Variants in VPS53 observed in about 807,000 individuals in gnomAD.
VPS53 encodes the protein vacuolar protein sorting-associated protein 53 homolog.
In VPS53, 70 loss-of-function variants were observed where a neutral mutation model predicts 107.0. The ratio of observed to expected loss-of-function variants is 0.65; its 90% CI spans 0.54 to 0.80. The LOEUF is 0.80. Among genes scored for constraint, VPS53 ranks in the 30% least tolerant of loss-of-function variants. The pLI is 0.00. For synonymous variants in VPS53, 409 were observed against 393.3 expected (o/e 1.04, Z -0.47); for missense variants, 917 against 1,049.4 (o/e 0.87, Z 1.74).
At chr17:703,525 A>G (rs1973285693) in intron 2 of VPS53, among the ~76,000 whole-genome samples, 1 of 152,170 alleles carries the variant, frequency 6.6e-6, no homozygotes, top group African/African-American at 2.4e-5. Flanking sequence ...CCCTGTGGGA[A>G]TCCACATTGG....
chr17:605,821 GA>G (rs1322155818), intron 11 of VPS53, among the ~76,000 whole-genome samples: 1 of 152,018 alleles, frequency 6.6e-6, no homozygotes, highest in East Asian at 1.9e-4. Context: ...CCTGGGGTAA[GA>G]GGGGTGGCGG....
At position 599,560 on chromosome 17, in the gene VPS53, C is replaced by G. The variant is rs1968222064; in HGVS notation, c.1218+2235G>C. On this transcript the variant is annotated intron_variant, in intron 12 of 21. Transcript: ENST00000437048. ...AACAGATGCTTGAAGGCAGCATGCT[C>G]GTTAAGAGTCATCACCACTCCCTAA... Among the ~76,000 whole-genome samples, 4 of 150,086 alleles carry G rather than the reference C, an allele frequency of 2.7e-5. No homozygotes were observed. The South Asian group carries it at 8.6e-4, about 32-fold the overall frequency.
chr17:658,497 G>A (rs1235985674), intron 5 of VPS53, among the ~76,000 whole-genome samples: 28 of 138,338 alleles, frequency 2.0e-4, no homozygotes, highest in Middle Eastern at 0.01. Context: ...ACATCCCACT[G>A]AAGTGAGAAA....
intron 4 of VPS53, among the ~76,000 whole-genome samples, chr17:696,786 T>C (rs1279171754): frequency 8.1e-6 from 1 of 123,952 alleles, no homozygotes; most frequent in Non-Finnish European, 1.6e-5. Flanking sequence ...ATAAGACTTA[T>C]AAAACTTTTT....
chr17:561,983 C>G (rs1214895082), intron 14 of VPS53, among the ~76,000 whole-genome samples: 1 of 152,130 alleles, frequency 6.6e-6, no homozygotes, highest in Non-Finnish European at 1.5e-5. Context: ...TATGCAGTAG[C>G]TGACCCCCAA....
intron 19 of VPS53, among the ~76,000 whole-genome samples, chr17:526,528 G>A (rs934116962): frequency 1.2e-4 from 18 of 152,292 alleles, no homozygotes; most frequent in Middle Eastern, 3.4e-3. Flanking sequence ...CAGATTTGGC[G>A]GCTGTCTGTG....
chr17:661,520 C>CAAAA (rs10666256), intron 5 of VPS53, among the ~76,000 whole-genome samples: 48 of 109,148 alleles, frequency 4.4e-4, no homozygotes, highest in Admixed American at 6.0e-4. Context: ...GACTCCATCT[C>CAAAA]AAAAAAAAAA....
chr17:602,084 T>C (rs1349411655), intron 11 of VPS53, among the ~76,000 whole-genome samples, 188 bp from the exon 12 acceptor site: 1 of 152,032 alleles, frequency 6.6e-6, no homozygotes, highest in East Asian at 1.9e-4. Context: ...TCCTGCAACC[T>C]CCCCGACCAC....
intron 6 of VPS53, 45 bp downstream of exon 6, chr17:655,793 G>C: frequency 6.5e-7 from 1 of 1,547,346 alleles, no homozygotes; most frequent in South Asian, 1.1e-5. Context: ...TTCTCTATGC[G>C]ATACATTTCC....
At chr17:713,629 G>A (rs1406347438) in intron 1 of VPS53, among the ~76,000 whole-genome samples, 3 of 152,000 alleles carry the variant, frequency 2.0e-5, no homozygotes, top group Non-Finnish European at 2.9e-5. Context: ...TCCAACCTGG[G>A]CGAAAGAGCG....
In VPS53 at chr17:519,002, C is replaced by G; in HGVS notation, c.*126G>C. The G allele has an allele frequency of 9.4e-7, 1 of 1,058,668 alleles. No homozygotes were observed. The highest frequency in any genetic ancestry group is 1.3e-6 in the Non-Finnish European group (1 of 757,906). The allele number at this position is 1,058,668 out of a possible 1,614,324, so 65.6% of individuals were successfully genotyped here. A position where few individuals can be genotyped will look rare whatever the true frequency, so the allele number is the denominator to read the frequency against. ...GGCATGGGAGAGACTCAGTAACAAC[C>G]CACATGTCCCAGGAAGTTTGAAGAC... On this transcript the variant is annotated 3_prime_UTR_variant, in exon 22 of 22. Coordinates refer to ENST00000437048, the MANE Select transcript of VPS53 (RefSeq NM_001128159.3). This position sits in a 1 kb window ranked among gnomAD's most constrained non-coding sequence, Gnocchi z 5.0.
chr17:626,909 G>C (rs1197546834), intron 10 of VPS53, among the ~76,000 whole-genome samples: 1 of 152,144 alleles, frequency 6.6e-6, no homozygotes, highest in Non-Finnish European at 1.5e-5. Flanking sequence ...AATCACTGTA[G>C]GTCAATCTGG....
At chr17:551,768 C>A in intron 17 of VPS53, 104 bp downstream of exon 17, 1 of 1,027,068 alleles carries the variant, frequency 9.7e-7, no homozygotes, top group Admixed American at 3.0e-5. Context: ...CTCAGCTGAT[C>A]CTTTACGCTC....
intron 11 of VPS53, among the ~76,000 whole-genome samples, chr17:621,668 G>A (rs533804340): frequency 4.0e-5 from 6 of 151,514 alleles, no homozygotes; most frequent in African/African-American, 4.9e-5. Context: ...TCAGTCAATC[G>A]TCTGTCTGAC....
At chr17:690,969 C>T (rs1028204180) in intron 4 of VPS53, among the ~76,000 whole-genome samples, 1 of 152,158 alleles carries the variant, frequency 6.6e-6, no homozygotes, top group African/African-American at 2.4e-5. Context: ...CCCCCAGTCC[C>T]TAAGTTAATG....
chr17:580,268 C>T (rs769366746), intron 13 of VPS53, among the ~76,000 whole-genome samples: 25 of 150,680 alleles, frequency 1.7e-4, no homozygotes, highest in Non-Finnish European at 3.0e-4. Flanking sequence ...GAATTTAATG[C>T]GTTCCCAGAG....
chr17:659,633 C>T (rs1597451648), intron 5 of VPS53, among the ~76,000 whole-genome samples: 1 of 152,156 alleles, frequency 6.6e-6, no homozygotes, highest in South Asian at 2.1e-4. Context: ...TATGACTCTT[C>T]CTGGTCCCTG....
At chr17:598,839 G>A (rs1420997627) in intron 12 of VPS53, among the ~76,000 whole-genome samples, 6 of 83,508 alleles carry the variant, frequency 7.2e-5, no homozygotes, top group Admixed American at 6.7e-4. Flanking sequence ...GAGCGTCTCC[G>A]CCCGGCAGCC....
chr17:529,705 T>A (rs1322603075), intron 19 of VPS53, among the ~76,000 whole-genome samples: 1 of 152,168 alleles, frequency 6.6e-6, no homozygotes, highest in Admixed American at 6.5e-5. Flanking sequence ...TGTACATTTT[T>A]AATTTACTCC....
Sources: allele counts gnomAD v4.1 joint callset (sites outside exome capture counted in the v4.1 genomes callset), GRCh38; gene constraint gnomAD v4.1.1; non-coding constraint Gnocchi (gnomAD v3.1); transcripts MANE v1.5; gene names NCBI Gene and HGNC (gene_info 2026-07-23, HGNC 2026-07-21).